The following TLK2 variants were observed in gnomAD, a reference collection of about 807,000 sequenced individuals.
TLK2 encodes the protein tousled like kinase 2.
In TLK2, 6 loss-of-function variants were observed where a neutral mutation model predicts 117.3. The ratio of observed to expected loss-of-function variants is 0.05; its 90% CI spans 0.03 to 0.10. The LOEUF (loss-of-function observed/expected upper bound fraction) is 0.10. TLK2 is among the 10% of genes least tolerant of loss of function. The pLI, the probability that TLK2 is intolerant of heterozygous loss-of-function variation, is 1.00. For missense variants in TLK2, 299 were observed against 901.2 expected (o/e 0.33, Z 8.56); for synonymous variants, 257 against 316.7 (o/e 0.81, Z 2.00).
intron 1 of TLK2, among the ~76,000 whole-genome samples, chr17:62,480,012 C>G (rs568976536): frequency 5.3e-5 from 8 of 152,340 alleles, no homozygotes; most frequent in Admixed American, 1.3e-4. Flanking sequence ...TCCTAATTCT[C>G]TCTCTAACCT....
chr17:62,512,137 A>G (rs527434216), intron 2 of TLK2, among the ~76,000 whole-genome samples: 1 of 151,224 alleles, frequency 6.6e-6, no homozygotes, highest in African/African-American at 2.4e-5. Context: ...ATTGTGGTTT[A>G]AACTTTTATT....
At chr17:62,472,175 G>A (rs2070955381) in intron 1 of TLK2, among the ~76,000 whole-genome samples, 1 of 151,628 alleles carries the variant, frequency 6.6e-6, no homozygotes, top group African/African-American at 2.4e-5. Context: ...CAAAGTGCTG[G>A]GATTACAGGC....
chr17:62,556,007 C>G (rs563522842), intron 9 of TLK2, among the ~76,000 whole-genome samples: 1 of 152,080 alleles, frequency 6.6e-6, no homozygotes, highest in Non-Finnish European at 1.5e-5. Context: ...CTTTGTCACC[C>G]AGGTTCAAGT....
intron 21 of TLK2, among the ~76,000 whole-genome samples, chr17:62,608,616 A>G (rs1266528389): frequency 2.0e-5 from 3 of 152,348 alleles, no homozygotes; most frequent in African/African-American, 7.2e-5. Flanking sequence ...TATAAAGGAA[A>G]GAGGTTTAAT....
At chr17:62,519,536 G>T (rs1461390861) in intron 2 of TLK2, among the ~76,000 whole-genome samples, 2 of 152,126 alleles carry the variant, frequency 1.3e-5, no homozygotes, top group Admixed American at 6.5e-5. Flanking sequence ...AGCTGGGGCC[G>T]GGTGCGGTGG....
chr17:62,546,018 A>G (rs2077883917), intron 7 of TLK2, among the ~76,000 whole-genome samples: 1 of 152,122 alleles, frequency 6.6e-6, no homozygotes, highest in African/African-American at 2.4e-5. Context: ...AGTAGCTAGG[A>G]TTACAGGCTC....
intron 17 of TLK2, among the ~76,000 whole-genome samples, chr17:62,597,051 A>G (rs894709999): frequency 6.6e-6 from 1 of 152,192 alleles, no homozygotes; most frequent in African/African-American, 2.4e-5. Context: ...CACATGTAAA[A>G]TATACAGTTT....
intron 1 of TLK2, among the ~76,000 whole-genome samples, chr17:62,480,280 T>C (rs1388683189): frequency 1.3e-5 from 2 of 152,236 alleles, no homozygotes; most frequent in Non-Finnish European, 2.9e-5. Context: ...CTGTTAATAT[T>C]AAAGAGAGGT....
At chr17:62,489,909 C>T (rs1199176669) in intron 2 of TLK2, among the ~76,000 whole-genome samples, 1 of 152,130 alleles carries the variant, frequency 6.6e-6, no homozygotes, top group East Asian at 1.9e-4. Flanking sequence ...CATCTCACTG[C>T]AACCTCTGCC....
In TLK2 at chr17:62,587,697, C is replaced by T. The variant is rs559578076; in HGVS notation, c.1460+1471C>T. 2.0e-5 allele frequency among the ~76,000 whole-genome samples: 3 copies of T among 152,272 alleles called. No individual in the cohort carries two copies. The East Asian group carries it at 5.8e-4, about 29-fold the overall frequency. On this transcript the variant is annotated intron_variant, in intron 16 of 21. Coordinates refer to ENST00000346027, the MANE Select transcript of TLK2 (RefSeq NM_006852.6). Reference sequence around the variant, plus strand: ...CTGCGTGTGTTTCTTAGGTGACAGGCAGCTGCAGTCCAGATGCTCCTGAGG... The same window carrying T: ...CTGCGTGTGTTTCTTAGGTGACAGGTAGCTGCAGTCCAGATGCTCCTGAGG...
chr17:62,563,808 A>G (rs545773783), intron 10 of TLK2, among the ~76,000 whole-genome samples: 13 of 152,342 alleles, frequency 8.5e-5, no homozygotes, highest in Admixed American at 1.3e-4. Context: ...CCTGTGTTCA[A>G]TGAATGATGT....
At chr17:62,533,125 GGT>G (rs2076855335) in intron 6 of TLK2, among the ~76,000 whole-genome samples, 1 of 151,120 alleles carries the variant, frequency 6.6e-6, no homozygotes, top group Admixed American at 6.6e-5. Flanking sequence ...TGTGTGTTTT[GGT>G]TTTTGTTTTA....
Position 62,500,293 on chromosome 17 carries a change from ATATAAAAAAGCTAAGTATAAACACTAAG to A in TLK2, c.81+19101_81+19128del, listed in dbSNP as rs575809996. ...GATACTGTATAAACAGTATCACTAA[ATATAAAAAAGCTAAGTATAAACACTAAG>A]TATAAAAAAGCTAGAGTGATTTTTA... On this transcript the variant is annotated intron_variant, in intron 2 of 21. Transcript: ENST00000346027. Among the ~76,000 whole-genome samples the A allele has an allele frequency of 2.6e-3, 397 of 152,196 alleles. 11 individuals carry two copies. In the East Asian group the frequency reaches 0.067, roughly 26 times the overall value.
intron 2 of TLK2, among the ~76,000 whole-genome samples, chr17:62,495,490 C>T (rs951064310): frequency 3.3e-5 from 5 of 151,508 alleles, no homozygotes; most frequent in Non-Finnish European, 5.9e-5. Flanking sequence ...TCTTGGTTCA[C>T]TGCAAACTCT....
At chr17:62,484,784 C>T (rs573116986) in intron 2 of TLK2, among the ~76,000 whole-genome samples, 1 of 152,110 alleles carries the variant, frequency 6.6e-6, no homozygotes, top group South Asian at 2.1e-4. Context: ...GGGCCAGGCA[C>T]GGTGGCTCAC....
At chr17:62,581,935 G>T (rs2081250960) in intron 15 of TLK2, among the ~76,000 whole-genome samples, 1 of 152,042 alleles carries the variant, frequency 6.6e-6, no homozygotes, top group South Asian at 2.1e-4. Flanking sequence ...TTGAAAGTTT[G>T]TTAGAGTTGA....
chr17:62,583,082 G>A (rs540611508), intron 15 of TLK2, among the ~76,000 whole-genome samples: 1 of 152,022 alleles, frequency 6.6e-6, no homozygotes, highest in East Asian at 1.9e-4. Context: ...TGTTGTTTTT[G>A]TTTTTGTTTT....
In TLK2 at chr17:62,586,019, G is replaced by A. The variant is rs2081581977; in HGVS notation, c.1369-116G>A. ...TGCAACACTGATATAAGTATGTGAT[G>A]TATTTAATAATGTATTTTGGACTTT... On this transcript the variant is annotated intron_variant, in intron 15 of 21. Coordinates refer to ENST00000346027, the MANE Select transcript of TLK2 (RefSeq NM_006852.6). 8.6e-6 allele frequency: 6 copies of A among 700,196 alleles called. No homozygotes were observed. The Admixed American group carries it at 1.7e-4, about 20-fold the overall frequency. The allele number at this position is 700,196 out of a possible 1,614,324, so 43.4% of individuals were successfully genotyped here. A position where few individuals can be genotyped will look rare whatever the true frequency, so the allele number is the denominator to read the frequency against.
rs1393609805 is a variant in TLK2 at position 62,478,840 on chromosome 17, C to T, written c.-456C>T. Among the ~76,000 whole-genome samples, 4 of 150,570 alleles carry T rather than the reference C, an allele frequency of 2.7e-5. No homozygotes were observed. Among genetic ancestry groups the T allele is most frequent in the Admixed American group, 1.3e-4 (2 of 15,150 alleles). Reference sequence around the variant, plus strand: ...TACACCGATCACTACTAATCCGGACCGAACCGATCCGGATTAAGGGGCCGG... The same window carrying T: ...TACACCGATCACTACTAATCCGGACTGAACCGATCCGGATTAAGGGGCCGG... On this transcript the variant is annotated 5_prime_UTR_variant, in exon 1 of 22. Transcript: ENST00000346027.
Sources: gnomAD v4.1 joint callset for allele counts (sites outside exome capture counted in the v4.1 genomes callset) on GRCh38, gnomAD v4.1.1 for gene constraint, MANE v1.5 for transcripts, NCBI Gene and HGNC (gene_info 2026-07-23, HGNC 2026-07-21) for gene names.